Variants in DPP10 observed in about 807,000 individuals in gnomAD.
The protein encoded by DPP10 is inactive dipeptidyl peptidase 10.
DPP10 carries 33 observed loss-of-function variants against 120.9 expected under a neutral mutation model. The ratio of observed to expected loss-of-function variants is 0.27; its 90% CI spans 0.21 to 0.37. The LOEUF is 0.37. Ranked by LOEUF, DPP10 falls within the 10% of genes least tolerant of loss-of-function variation. The probability of loss-of-function intolerance (pLI) is 1.00; values close to 1 mark genes in which losing one functional copy is unlikely to be tolerated. For synonymous variants in DPP10, 337 were observed against 326.1 expected (o/e 1.03, Z -0.36); for missense variants, 816 against 942.8 (o/e 0.87, Z 1.76).
At chr2:114,477,892 C>CATATGTGTATATATGTACATATATGTGT (rs1680612637) in intron 1 of DPP10, among the ~76,000 whole-genome samples, 2 of 114,004 alleles carry the variant, frequency 1.8e-5, no homozygotes, top group Non-Finnish European at 4.0e-5. Context: ...TATATATGTA[C>CATATGTGTATATATGTACATATATGTGT]ATATGTGTAT....
chr2:114,945,491 TC>T (rs1334317049), intron 1 of DPP10, among the ~76,000 whole-genome samples: 1 of 152,096 alleles, frequency 6.6e-6, no homozygotes, highest in East Asian at 1.9e-4. Context: ...ACTCTCAACA[TC>T]ATTTTATTGG....
At chr2:114,447,899 A>G (rs560025299) in intron 1 of DPP10, among the ~76,000 whole-genome samples, 3 of 152,348 alleles carry the variant, frequency 2.0e-5, no homozygotes, top group African/African-American at 2.4e-5. Flanking sequence ...AATGGTCTAC[A>G]TATTTTTAAT....
At chr2:114,490,769 A>G (rs1194964457) in intron 1 of DPP10, among the ~76,000 whole-genome samples, 3 of 151,504 alleles carry the variant, frequency 2.0e-5, no homozygotes. Flanking sequence ...ATTTTAGTTA[A>G]TCCATGATGT....
chr2:115,073,522 C>T lies in DPP10; in HGVS notation c.61-235717C>T, dbSNP rs1316510212. 3.9e-5 allele frequency among the ~76,000 whole-genome samples: 6 copies of T among 152,200 alleles called. No homozygotes were observed. In the East Asian group the frequency reaches 1.2e-3, roughly 29 times the overall value. The stretch of plus-strand genomic sequence containing the variant: ...GGGCAGTTCCTTCTAAACTTTAAAT[C>T]TGAAATCAACTGTTCAGTTTATGAT... On this transcript the variant is annotated intron_variant, in intron 1 of 25. Transcript: ENST00000410059.
chr2:114,526,397 C>A (rs1005435699), intron 1 of DPP10, among the ~76,000 whole-genome samples: 12 of 152,132 alleles, frequency 7.9e-5, no homozygotes, highest in African/African-American at 2.7e-4. Context: ...TCTTGTTTCT[C>A]ATTTTACAAT....
chr2:115,265,150 T>G (rs1487255392), intron 1 of DPP10, among the ~76,000 whole-genome samples: 1 of 152,046 alleles, frequency 6.6e-6, no homozygotes, highest in Non-Finnish European at 1.5e-5. Context: ...AGAGCCAACT[T>G]CAGACAGCAC....
intron 3 of DPP10, among the ~76,000 whole-genome samples, chr2:115,382,762 AT>A (rs1444885265): frequency 3.3e-5 from 5 of 152,224 alleles, no homozygotes; most frequent in Non-Finnish European, 5.9e-5. Flanking sequence ...TTCCATTTAC[AT>A]TTGTTCCCAC....
rs190693155 is a variant in DPP10, at chr2:115,813,202, C to T, written c.1701-1591C>T. Among the ~76,000 whole-genome samples, 913 of 146,684 alleles carry T rather than the reference C, an allele frequency of 6.2e-3. 6 individuals are homozygous for T. Among genetic ancestry groups the T allele is most frequent in the Non-Finnish European group, 9.9e-3 (672 of 67,972 alleles). On this transcript the variant is annotated intron_variant, in intron 19 of 25. Transcript: ENST00000410059. ...TTCACCTTGTTAGCCAGGATGGTCT[C>T]GATCTCCTGACCTCATGATCCACCC... is the stretch of plus-strand genomic sequence containing the variant.
intron 1 of DPP10, among the ~76,000 whole-genome samples, chr2:114,469,022 G>A (rs1247867826): frequency 6.6e-6 from 1 of 152,170 alleles, no homozygotes; most frequent in African/African-American, 2.4e-5. Flanking sequence ...GATAGCATGT[G>A]AAAGAAAATT....
At chr2:115,840,325 T>TTTTG (rs1689991023) in intron 24 of DPP10, among the ~76,000 whole-genome samples, 3 of 116,732 alleles carry the variant, frequency 2.6e-5, no homozygotes, top group South Asian at 3.4e-4. Context: ...TTTGGTTTTT[T>TTTTG]TTTTTTTTTT....
Position 114,544,504 on chromosome 2 carries a change from G to A in DPP10, c.60+101666G>A, listed in dbSNP as rs1573614433. Among the ~76,000 whole-genome samples, 4 of 152,128 alleles carry A rather than the reference G, an allele frequency of 2.6e-5. No homozygotes were observed. In the South Asian group the frequency reaches 8.3e-4, roughly 32 times the overall value. On this transcript the variant is annotated intron_variant, in intron 1 of 25. Coordinates refer to ENST00000410059, the MANE Select transcript of DPP10 (RefSeq NM_020868.6). ...ACACTTGGCTAAGGATGCTTTAGGG[G>A]CATAAAATGGTCTGAAGAAGGTGAT...
At chr2:115,064,699 A>C in intron 1 of DPP10, 1 of 1,301,620 alleles carries the variant, frequency 7.7e-7, no homozygotes, top group Non-Finnish European at 1.0e-6. Flanking sequence ...CTGACATTGA[A>C]GTAAGATTCT....
intron 1 of DPP10, among the ~76,000 whole-genome samples, chr2:115,279,641 C>CTTTTTTTTTTTTTTTTTTTTTT (rs1200835822): frequency 1.5e-5 from 1 of 66,406 alleles, no homozygotes. Flanking sequence ...TTCTTTCTTT[C>CTTTTTTTTTTTTTTTTTTTTTT]TTTTTTTCTT....
At chr2:114,811,738 C>T (rs1285907645) in intron 1 of DPP10, among the ~76,000 whole-genome samples, 2 of 152,170 alleles carry the variant, frequency 1.3e-5, no homozygotes, top group African/African-American at 4.8e-5. Context: ...CTCACCTTCA[C>T]GTTCTCTCTG....
intron 1 of DPP10, among the ~76,000 whole-genome samples, chr2:115,058,530 G>A (rs564805369): frequency 1.3e-5 from 2 of 152,010 alleles, no homozygotes; most frequent in African/African-American, 4.8e-5. Context: ...CTCCTGAGTC[G>A]CTGGGATTAC....
intron 5 of DPP10, among the ~76,000 whole-genome samples, chr2:115,584,038 T>C (rs947733083): frequency 6.6e-6 from 1 of 152,178 alleles, no homozygotes; most frequent in African/African-American, 2.4e-5. Flanking sequence ...TGAATTCTGC[T>C]CTAGCAAACA....
intron 1 of DPP10, among the ~76,000 whole-genome samples, chr2:114,776,742 T>G (rs1681781750): frequency 6.6e-6 from 1 of 152,082 alleles, no homozygotes; most frequent in Non-Finnish European, 1.5e-5. Flanking sequence ...ATTCAAGTTG[T>G]AGTGATTTAA....
At position 115,498,289 on chromosome 2, in the gene DPP10, T is replaced by C. The variant is rs929748496; in HGVS notation, c.272-1221T>C. Among the ~76,000 whole-genome samples the C allele has an allele frequency of 3.3e-5, 5 of 152,272 alleles. No individual in the cohort carries two copies. In the South Asian group the frequency reaches 8.3e-4, roughly 25 times the overall value. On this transcript the variant is annotated intron_variant, in intron 3 of 25. Coordinates refer to ENST00000410059, the MANE Select transcript of DPP10 (RefSeq NM_020868.6). ...AAAACAAACTTCAGCTTTGCTAATATTTCTTGCTTCTTGTCATATAAATTG... is the reference window on the plus strand; with the variant it reads ...AAAACAAACTTCAGCTTTGCTAATACTTCTTGCTTCTTGTCATATAAATTG...
intron 13 of DPP10, among the ~76,000 whole-genome samples, chr2:115,772,528 G>A (rs1046587853): frequency 4.4e-4 from 67 of 151,970 alleles, no homozygotes; most frequent in African/African-American, 1.5e-3. Context: ...GGCTTTTCTG[G>A]AAATCTATAT....
Sources: allele counts gnomAD v4.1 joint callset (sites outside exome capture counted in the v4.1 genomes callset), GRCh38; gene constraint gnomAD v4.1.1; transcripts MANE v1.5; gene names NCBI Gene and HGNC (gene_info 2026-07-23, HGNC 2026-07-21).